The following CATSPERE variants were observed in gnomAD, a reference collection of about 807,000 sequenced individuals.
CATSPERE encodes cation channel sperm-associated auxiliary subunit epsilon.
Under a neutral mutation model 114.1 loss-of-function variants are expected in CATSPERE, and 93 were observed. The observed-to-expected ratio is 0.81, with a 90% CI of 0.69 to 0.97. The LOEUF is 0.97. CATSPERE is among the 50% of genes least tolerant of loss of function. The probability of loss-of-function intolerance (pLI) is 0.00; values close to 1 mark genes in which losing one functional copy is unlikely to be tolerated. For synonymous variants in CATSPERE, 341 were observed against 384.1 expected, an observed-to-expected ratio of 0.89 and a Z score of 1.31; for missense variants, 1,058 against 1,131.6, an observed-to-expected ratio of 0.93 and a Z score of 0.93.
chr1:244,456,938 T>G (rs1471802294), upstream of CATSPERE, among the ~76,000 whole-genome samples: 4 of 152,218 alleles, frequency 2.6e-5, no homozygotes, highest in Non-Finnish European at 5.9e-5. Flanking sequence ...GGAAGGTGTT[T>G]TTTGGTAAAA....
chr1:244,573,447 A>AAAAC lies in CATSPERE; in HGVS notation c.1950+677_1950+678insACAA, dbSNP rs1558522115. On this transcript the variant is annotated intron_variant, in intron 11 of 21. Coordinates refer to ENST00000366534, the MANE Select transcript of CATSPERE (RefSeq NM_001130957.2). The surrounding 1 kb of genome is among the most constrained non-coding windows in gnomAD (Gnocchi z 4.0). The stretch of plus-strand genomic sequence containing the variant: ...CAAAACAAAACAAAACAAAACAAAA[A>AAAAC]AACCAATTCTATCCGTCAATAGTTT... 9.1e-4 allele frequency among the ~76,000 whole-genome samples: 115 copies of AAAAC among 125,828 alleles called. 1 individual carries two copies. The highest frequency in any genetic ancestry group is 3.6e-3 in the African/African-American group (111 of 30,978). The allele number at this position is 125,828 out of a possible 152,430, so 82.5% of individuals were successfully genotyped here.
chr1:244,604,248 C>G (rs1486782178), intron 17 of CATSPERE, among the ~76,000 whole-genome samples: 1 of 152,236 alleles, frequency 6.6e-6, no homozygotes, highest in Non-Finnish European at 1.5e-5. Flanking sequence ...CACCAATCCT[C>G]CAATCCCTAG....
intron 11 of CATSPERE, among the ~76,000 whole-genome samples, chr1:244,576,966 T>G (rs1304051224): frequency 6.6e-6 from 1 of 152,156 alleles, no homozygotes; most frequent in Non-Finnish European, 1.5e-5. Flanking sequence ...CCAAAGCCTT[T>G]TCTTTAAAAT....
chr1:244,532,151 T>G (rs1453856803), intron 8 of CATSPERE, among the ~76,000 whole-genome samples: 1 of 152,158 alleles, frequency 6.6e-6, no homozygotes, highest in Admixed American at 6.5e-5. Context: ...TCCTTTGAAT[T>G]TCTGTGGCAT....
chr1:244,494,701 T>C (rs1672823977), intron 6 of CATSPERE, among the ~76,000 whole-genome samples: 1 of 152,064 alleles, frequency 6.6e-6, no homozygotes, highest in Non-Finnish European at 1.5e-5. Flanking sequence ...ATTCAAAATG[T>C]TGAAAATTGA....
At chr1:244,566,124 G>T (rs537179806) in intron 10 of CATSPERE, among the ~76,000 whole-genome samples, 1 of 152,202 alleles carries the variant, frequency 6.6e-6, no homozygotes, top group Non-Finnish European at 1.5e-5. Flanking sequence ...ATGTAGTTGT[G>T]TAGTTTTGAG....
At chr1:244,470,512 A>G (rs1330393327) in intron 2 of CATSPERE, among the ~76,000 whole-genome samples, 2 of 152,182 alleles carry the variant, frequency 1.3e-5, no homozygotes, top group African/African-American at 4.8e-5. Context: ...GACAGATAAT[A>G]ACAAGTGTTC....
At chr1:244,627,418 T>A (rs934099104) in intron 20 of CATSPERE, among the ~76,000 whole-genome samples, 2 of 152,018 alleles carry the variant, frequency 1.3e-5, no homozygotes, top group East Asian at 1.9e-4. Context: ...AACAATTTTT[T>A]AAAAAATATT....
chr1:244,574,716 G>T (rs140888023), intron 11 of CATSPERE, among the ~76,000 whole-genome samples: 1 of 152,228 alleles, frequency 6.6e-6, no homozygotes, highest in East Asian at 1.9e-4. Context: ...TTATACATTT[G>T]CTTAGGGATG....
rs76220369 is a variant in CATSPERE at position 244,490,611 on chromosome 1, G to T, written c.351+140G>T. 820 of 543,964 alleles carry T rather than the reference G, an allele frequency of 1.5e-3. 13 individuals carry two copies. In the African/African-American group the frequency reaches 0.015, roughly 10 times the overall value. 33.7% of individuals were successfully genotyped at this position (543,964 alleles called of 1,614,324 possible). ...TTGCTTAGAGTATACCTTTCTATAA[G>T]ACCCATTCAGGAGGTCCATGAGGTT... On this transcript the variant is annotated intron_variant, in intron 6 of 21. Transcript: ENST00000366534.
intron 20 of CATSPERE, among the ~76,000 whole-genome samples, chr1:244,621,763 A>C (rs1672431342): frequency 6.6e-6 from 1 of 152,180 alleles, no homozygotes; most frequent in Non-Finnish European, 1.5e-5. Context: ...AGCTGACCAG[A>C]AGACCTGGAA....
intron 12 of CATSPERE, among the ~76,000 whole-genome samples, chr1:244,582,106 G>A (rs1666278594): frequency 6.6e-6 from 1 of 152,166 alleles, no homozygotes; most frequent in African/African-American, 2.4e-5. Context: ...AAAAAGGGCT[G>A]TTTCTTAGTT....
intron 15 of CATSPERE, among the ~76,000 whole-genome samples, 162 bp from the exon 16 acceptor site, chr1:244,593,233 G>C (rs1036167334): frequency 6.6e-6 from 1 of 152,298 alleles, no homozygotes; most frequent in Non-Finnish European, 1.5e-5. Context: ...TTGTAAGAAC[G>C]TGTTAATATG....
chr1:244,555,100 A>G (rs889773460), intron 9 of CATSPERE, among the ~76,000 whole-genome samples: 8 of 152,144 alleles, frequency 5.3e-5, no homozygotes, highest in African/African-American at 1.9e-4. Flanking sequence ...AAAATTCAAC[A>G]AACTGGCCAG....
chr1:244,627,451 C>T (rs547604789), intron 20 of CATSPERE, among the ~76,000 whole-genome samples: 4 of 152,090 alleles, frequency 2.6e-5, no homozygotes, highest in African/African-American at 7.2e-5. Flanking sequence ...TGGCATGTGT[C>T]GGTAGTCCTA....
chr1:244,576,307 G>C (rs1665258256), intron 11 of CATSPERE, among the ~76,000 whole-genome samples: 1 of 151,864 alleles, frequency 6.6e-6, no homozygotes, highest in African/African-American at 2.4e-5. Flanking sequence ...TGCCCCCAGA[G>C]GAAAGTGTAT....
At chr1:244,524,440 T>C (rs1234116121) in intron 8 of CATSPERE, among the ~76,000 whole-genome samples, 9 of 151,192 alleles carry the variant, frequency 6.0e-5, no homozygotes, top group Non-Finnish European at 7.4e-5. Flanking sequence ...AAGGACTTCA[T>C]GTCTAAAACA....
chr1:244,595,714 G>A (rs1340535031), intron 17 of CATSPERE, among the ~76,000 whole-genome samples: 6 of 152,044 alleles, frequency 3.9e-5, no homozygotes, highest in African/African-American at 1.4e-4. Context: ...GGCGGATCAC[G>A]AGGTCAGGAG....
chr1:244,544,710 T>G (rs1343259480), intron 8 of CATSPERE, among the ~76,000 whole-genome samples: 2 of 152,190 alleles, frequency 1.3e-5, no homozygotes, highest in Non-Finnish European at 2.9e-5. Context: ...CCTATTCAAC[T>G]TATCTATGTG....
Sources: gnomAD v4.1 joint callset for allele counts (sites outside exome capture counted in the v4.1 genomes callset) on GRCh38, gnomAD v4.1.1 for gene constraint, Gnocchi (gnomAD v3.1) non-coding constraint, MANE v1.5 for transcripts, NCBI Gene and HGNC (gene_info 2026-07-23, HGNC 2026-07-21) for gene names.